Variants in SGTA observed in about 807,000 individuals in gnomAD.
SGTA encodes the protein small glutamine-rich tetratricopeptide repeat-containing protein alpha.
In SGTA, 22 loss-of-function variants were observed where a neutral mutation model predicts 44.3. That is an observed-to-expected ratio of 0.50 (90% CI 0.36 to 0.71). The LOEUF is 0.71. Among genes scored for constraint, SGTA ranks in the 30% least tolerant of loss-of-function variants. The probability of loss-of-function intolerance (pLI) is 0.00; values close to 1 mark genes in which losing one functional copy is unlikely to be tolerated. For missense variants in SGTA, 341 were observed against 435.9 expected (o/e 0.78, Z 1.94); for synonymous variants, 174 against 177.6 (o/e 0.98, Z 0.16).
rs1017965579 is a variant in SGTA, at chr19:2,761,647, G to A, written c.637-125C>T. The A allele has an allele frequency of 7.8e-5, 60 of 771,742 alleles. 1 individual carries two copies. Among genetic ancestry groups the A allele is most frequent in the Non-Finnish European group, 5.2e-5 (24 of 462,846 alleles). 47.8% of individuals were successfully genotyped at this position (771,742 alleles called of 1,614,324 possible). On this transcript the variant is annotated intron_variant, in intron 7 of 11. Transcript: ENST00000221566. This position sits in a 1 kb window ranked among gnomAD's most constrained non-coding sequence, Gnocchi z 5.7. ...CATTCTATCAACCCTGCGGCCAGAG[G>A]GTGCTTTGAGGCAGGCAGCACGAAG...
chr19:2,760,517 CAA>C (rs58836148), intron 8 of SGTA, among the ~76,000 whole-genome samples: 17 of 51,628 alleles, frequency 3.3e-4, no homozygotes, highest in African/African-American at 7.6e-4. Flanking sequence ...GACTCCATCT[CAA>C]AAAAAAAAAA....
chr19:2,771,144 T>G (rs1363074464), intron 1 of SGTA, among the ~76,000 whole-genome samples: 2 of 152,220 alleles, frequency 1.3e-5, no homozygotes. Context: ...ATCACGATTC[T>G]GCCAGGCGTG....
At chr19:2,772,313 C>G (rs187905553) in intron 1 of SGTA, among the ~76,000 whole-genome samples, 41 of 152,370 alleles carry the variant, frequency 2.7e-4, no homozygotes, top group Admixed American at 2.5e-3. Flanking sequence ...TGGATAATTT[C>G]TTATTCTTCT....
intron 7 of SGTA, among the ~76,000 whole-genome samples, chr19:2,762,287 G>T (rs1238158306): frequency 1.3e-5 from 2 of 152,112 alleles, no homozygotes; most frequent in Non-Finnish European, 2.9e-5. Flanking sequence ...GCCTCCGCGG[G>T]CAGCCCTGCG....
intron 1 of SGTA, among the ~76,000 whole-genome samples, chr19:2,781,917 CT>C (rs1407178267): frequency 6.6e-6 from 1 of 151,024 alleles, no homozygotes; most frequent in Non-Finnish European, 1.5e-5. Context: ...TGTTGGGTCA[CT>C]GCAACCTCTG....
Position 2,761,459 on chromosome 19 carries a change from C to T in SGTA, c.699+1G>A. ...GACAGGGAGGAGGGGCGGGCCGTTA[C>T]CATGCTCATGAAGCCAGGGTTGTTC... On this transcript the variant is annotated splice_donor_variant, in intron 8 of 11. Transcript: ENST00000221566. LOFTEE classifies it high-confidence loss of function. This position sits in a 1 kb window ranked among gnomAD's most constrained non-coding sequence, Gnocchi z 5.7. The T allele has an allele frequency of 6.4e-7, 1 of 1,551,526 alleles. No individual in the cohort carries two copies. Among genetic ancestry groups the T allele is most frequent in the Non-Finnish European group, 8.7e-7 (1 of 1,146,888 alleles).
At chr19:2,776,096 A>G (rs752547083) in intron 1 of SGTA, among the ~76,000 whole-genome samples, 1 of 152,180 alleles carries the variant, frequency 6.6e-6, no homozygotes, top group Non-Finnish European at 1.5e-5. Flanking sequence ...CACCACCAGA[A>G]AGTGAAACCA....
At chr19:2,775,777 C>A (rs1915432434) in intron 1 of SGTA, among the ~76,000 whole-genome samples, 1 of 152,160 alleles carries the variant, frequency 6.6e-6, no homozygotes, top group South Asian at 2.1e-4. Context: ...GATGGTTGCA[C>A]AACCCTGTGA....
intron 11 of SGTA, among the ~76,000 whole-genome samples, chr19:2,756,230 T>C (rs1222240730): frequency 6.7e-6 from 1 of 150,060 alleles, no homozygotes; most frequent in Non-Finnish European, 1.5e-5. Context: ...AAAGGAAAAA[T>C]AAATAAAAGC....
At chr19:2,759,409 C>G in intron 8 of SGTA, 115 bp from the exon 9 acceptor site, 3 of 932,358 alleles carry the variant, frequency 3.2e-6, no homozygotes, top group Non-Finnish European at 5.2e-6. Flanking sequence ...CGCCAACCAA[C>G]AGTAAGAGCC....
intron 11 of SGTA, among the ~76,000 whole-genome samples, chr19:2,756,444 G>T (rs1243029502): frequency 6.7e-6 from 1 of 149,172 alleles, no homozygotes; most frequent in Non-Finnish European, 1.5e-5. Context: ...GGACAGAGCA[G>T]GACGGTCTCA....
intron 9 of SGTA, among the ~76,000 whole-genome samples, chr19:2,758,702 G>A (rs551134544): frequency 3.3e-5 from 5 of 152,288 alleles, no homozygotes; most frequent in African/African-American, 9.6e-5. Context: ...AAGCAGCACC[G>A]TTCACAACAG....
intron 1 of SGTA, among the ~76,000 whole-genome samples, chr19:2,779,676 C>T (rs1001993129): frequency 4.6e-5 from 7 of 152,244 alleles, no homozygotes; most frequent in African/African-American, 1.4e-4. Context: ...ATGGGGGTGG[C>T]GCCAGCTCCA....
intron 11 of SGTA, 144 bp downstream of exon 11, chr19:2,757,193 G>T: frequency 9.5e-7 from 1 of 1,054,674 alleles, no homozygotes; most frequent in Non-Finnish European, 1.3e-6. Flanking sequence ...CTTCTGAGCT[G>T]GATGCACCCA....
chr19:2,772,855 C>A (rs373836161), intron 1 of SGTA, among the ~76,000 whole-genome samples: 3 of 109,008 alleles, frequency 2.8e-5, no homozygotes, highest in Non-Finnish European at 5.0e-5. Flanking sequence ...AGGTGGGTGA[C>A]GCGGCCACAG....
intron 11 of SGTA, among the ~76,000 whole-genome samples, chr19:2,756,257 G>A (rs1264234708): frequency 1.3e-5 from 2 of 151,842 alleles, no homozygotes; most frequent in Admixed American, 6.6e-5. Context: ...AAAAAAAAAA[G>A]GGAAGACTGG....
intron 1 of SGTA, among the ~76,000 whole-genome samples, chr19:2,782,861 C>T (rs552001761): frequency 6.6e-6 from 1 of 152,338 alleles, no homozygotes; most frequent in Admixed American, 6.5e-5. Flanking sequence ...GTTCCGACTT[C>T]AGTCCCCACA....
chr19:2,757,404 T>G lies in SGTA; in HGVS notation c.881A>C (p.Gln294Pro). ...MQQQNPELIEQLRSQIRSRTP... is the reference protein window; with the variant it reads ...MQQQNPELIEPLRSQIRSRTP... ...CCGACTCCGGATCTGGCTCCTGAGCTGCTCTATCAACTCTGGGTTCTGCTG... is the reference window on the plus strand; with the variant it reads ...CCGACTCCGGATCTGGCTCCTGAGCGGCTCTATCAACTCTGGGTTCTGCTG... Residue 294 changes from glutamine (Q) to proline (P), a missense_variant, in exon 11 of 12, where the codon CAG becomes CCG. Coordinates refer to ENST00000221566, the MANE Select transcript of SGTA (RefSeq NM_003021.4). 6.2e-7 allele frequency: 1 copy of G among 1,608,678 alleles called. No individual in the cohort carries two copies. Among genetic ancestry groups the G allele is most frequent in the Non-Finnish European group, 8.5e-7 (1 of 1,179,930 alleles).
At chr19:2,771,182 T>A (rs1376562856) in intron 1 of SGTA, among the ~76,000 whole-genome samples, 1 of 152,106 alleles carries the variant, frequency 6.6e-6, no homozygotes, top group African/African-American at 2.4e-5. Flanking sequence ...TCCCAGCACT[T>A]TGGGAGGCCG....
Sources: gnomAD v4.1 joint callset for allele counts (sites outside exome capture counted in the v4.1 genomes callset) on GRCh38, gnomAD v4.1.1 for gene constraint, Gnocchi (gnomAD v3.1) non-coding constraint, MANE v1.5 for transcripts, NCBI Gene and HGNC (gene_info 2026-07-23, HGNC 2026-07-21) for gene names.